Variants in CHRNE observed in about 807,000 individuals in gnomAD.
CHRNE encodes cholinergic receptor nicotinic epsilon subunit, also known as acetylcholine receptor subunit epsilon.
CHRNE carries 58 observed loss-of-function variants against 56.5 expected under a neutral mutation model. That is an observed-to-expected ratio of 1.03 (90% CI 0.83 to 1.28). The LOEUF is 1.28. Among genes scored for constraint, CHRNE ranks in the 50% most tolerant of loss-of-function variants. CHRNE has a pLI of 0.00. For missense variants in CHRNE, 793 were observed against 688.9 expected (o/e 1.15, Z -1.69); for synonymous variants, 385 against 297.9 (o/e 1.29, Z -3.01).
chr17:4,902,171 C>T lies in CHRNE; in HGVS notation c.344+46G>A. 6.2e-7 allele frequency: 1 copy of T among 1,613,664 alleles called. No individual in the cohort carries two copies. The highest frequency in any genetic ancestry group is 8.5e-7 in the Non-Finnish European group (1 of 1,179,574). On this transcript the variant is annotated intron_variant, in intron 4 of 11. Coordinates refer to ENST00000649488, the MANE Select transcript of CHRNE (RefSeq NM_000080.4). This position sits in a 1 kb window ranked among gnomAD's most constrained non-coding sequence, Gnocchi z 4.0. ...CTTCCCCAACCAAGTCCAGCCCGCA[C>T]CCCAGGCCGGCTTCCCTCCAGCCTG...
chr17:4,900,011 T>G (rs1969920319), intron 8 of CHRNE: 2 of 1,551,312 alleles, frequency 1.3e-6, no homozygotes, highest in Non-Finnish European at 1.7e-6. Flanking sequence ...GGAGCAGAGG[T>G]TCAGAGAGCT....
chr17:4,902,270 G>C lies in CHRNE; in HGVS notation c.291C>G (p.Thr97=), dbSNP rs768916373. Residue 97 remains threonine (T), a synonymous_variant, in exon 4 of 12, where the codon ACC becomes ACG. Coordinates refer to ENST00000649488, the MANE Select transcript of CHRNE (RefSeq NM_000080.4). This position sits in a 1 kb window ranked among gnomAD's most constrained non-coding sequence, Gnocchi z 4.0. ...YSKDDFGGIE[T]LRVPSELVWL... is the part of the protein sequence containing the mutation. The stretch of plus-strand genomic sequence containing the variant: ...ACACGAGTTCTGAAGGGACTCGCAG[G>C]GTTTCTATACCCCCAAAGTCGTCCT... 6.2e-7 allele frequency: 1 copy of C among 1,614,168 alleles called. No homozygotes were observed. Among genetic ancestry groups the C allele is most frequent in the Non-Finnish European group, 8.5e-7 (1 of 1,180,030 alleles).
chr17:4,901,884 G>GCCT, intron 5 of CHRNE, 48 bp downstream of exon 5: 2 of 1,526,282 alleles, frequency 1.3e-6, no homozygotes, highest in Non-Finnish European at 9.0e-7. Flanking sequence ...GCCCCATAAG[G>GCCT]CCCCCCCCCA....
chr17:4,908,416 T>G (rs1419275889), intron 1 of CHRNE, among the ~76,000 whole-genome samples: 1 of 152,086 alleles, frequency 6.6e-6, no homozygotes, highest in Non-Finnish European at 1.5e-5. Flanking sequence ...GAAGGGGCTC[T>G]TGCCACTTCC....
rs374325420 is a variant in CHRNE at position 4,902,334 on chromosome 17, G to A, written c.235-8C>T. The A allele has an allele frequency of 2.5e-6, 4 of 1,614,120 alleles. No individual in the cohort carries two copies. The highest frequency in any genetic ancestry group is 3.4e-6 in the Non-Finnish European group (4 of 1,179,966). ...TCGGTAATCCTGCCAATCCTAAGGGGTGGGGGATGGAAGGCCGCGTGCCCT... is the reference window on the plus strand; with the variant it reads ...TCGGTAATCCTGCCAATCCTAAGGGATGGGGGATGGAAGGCCGCGTGCCCT... On this transcript the variant is annotated splice_polypyrimidine_tract_variant and splice_region_variant and intron_variant, in intron 3 of 11. Coordinates refer to ENST00000649488, the MANE Select transcript of CHRNE (RefSeq NM_000080.4). The surrounding 1 kb of genome is among the most constrained non-coding windows in gnomAD (Gnocchi z 4.0).
chr17:4,904,146 C>T (rs1362783060), upstream of CHRNE, among the ~76,000 whole-genome samples: 2 of 152,094 alleles, frequency 1.3e-5, no homozygotes, highest in African/African-American at 2.4e-5. Flanking sequence ...CGTGAGCCAC[C>T]GCGCCCAGCC....
At position 4,901,115 on chromosome 17, in the gene CHRNE, C is replaced by T. The variant is rs1969970252; in HGVS notation, c.677G>A (p.Gly226Glu). 6.2e-7 allele frequency: 1 copy of T among 1,613,168 alleles called. No homozygotes were observed. Among genetic ancestry groups the T allele is most frequent in the Non-Finnish European group, 8.5e-7 (1 of 1,179,926 alleles). Residue 226 changes from glycine (G) to glutamate (E), a missense_variant, in exon 7 of 12, where the codon GGG (glycine) becomes GAG (glutamate). Physicochemically the swap from Gly to Glu is moderately conservative, Grantham distance 98. Coordinates refer to ENST00000649488, the MANE Select transcript of CHRNE (RefSeq NM_000080.4). ...RHHGGATDGP[G>E]ETDVIYSLII... ...GAGCGAGTAGATGACGTCAGTCTCC[C>T]CTGGGCCGTCGGTGGCGCCACCGTG... is the stretch of plus-strand genomic sequence containing the variant.
chr17:4,899,746 TACC>T, intron 8 of CHRNE, 164 bp from the exon 9 acceptor site: 1 of 1,550,622 alleles, frequency 6.4e-7, no homozygotes. Context: ...TCTCCTGTCC[TACC>T]ACTTGTGGCG....
At position 4,898,093 on chromosome 17, in the gene CHRNE, A is replaced by G. The variant is rs754125849; in HGVS notation, c.*643T>C. On this transcript the variant is annotated 3_prime_UTR_variant, in exon 12 of 12. Coordinates refer to ENST00000649488, the MANE Select transcript of CHRNE (RefSeq NM_000080.4). ...CCGCATGTCCTTGCTTTCTGTCAGT[A>G]CTGTAGACTAGGCAGAGAGAGCCTC... 4 of 155,984 alleles carry G rather than the reference A, an allele frequency of 2.6e-5. No homozygotes were observed. Among genetic ancestry groups the G allele is most frequent in the Non-Finnish European group, 4.2e-5 (3 of 71,192 alleles). The allele number at this position is 155,984 out of a possible 1,614,324, so 9.7% of individuals were successfully genotyped here.
rs1212649328 is a variant in CHRNE, at chr17:4,898,771, G to T, written c.1447C>A (p.Pro483Thr). The T allele has an allele frequency of 6.2e-7, 1 of 1,610,600 alleles. No homozygotes were observed. Among genetic ancestry groups the T allele is most frequent in the African/African-American group, 1.3e-5 (1 of 75,022 alleles). ...ATACACGGCGCGTAGGGGAGATCAGGCACTCGGTTGAAGTAGGCCCCGAGG... is the reference window on the plus strand; with the variant it reads ...ATACACGGCGCGTAGGGGAGATCAGTCACTCGGTTGAAGTAGGCCCCGAGG... Reference protein sequence around the residue: ...IFLGAYFNRVPDLPYAPCIQP With the variant: ...IFLGAYFNRVTDLPYAPCIQP The change falls in exon 12 of 12, where the codon CCT becomes ACT. Residue 483 changes from proline (P) to threonine (T), a missense_variant. Coordinates refer to ENST00000649488, the MANE Select transcript of CHRNE (RefSeq NM_000080.4).
chr17:4,898,914 A>G (rs1203265168), intron 11 of CHRNE, 23 bp from the exon 12 acceptor site: 3 of 1,570,638 alleles, frequency 1.9e-6, no homozygotes, highest in Admixed American at 1.9e-5. Flanking sequence ...CGGCACAGTC[A>G]GTAAAGAGGC....
upstream of CHRNE, among the ~76,000 whole-genome samples, chr17:4,903,718 T>G (rs1234667902): frequency 6.6e-6 from 1 of 152,140 alleles, no homozygotes; most frequent in African/African-American, 2.4e-5. Flanking sequence ...GTGGGAGACT[T>G]GTTTCTCCTT....
upstream of CHRNE, among the ~76,000 whole-genome samples, chr17:4,907,370 T>C (rs1283766148): frequency 6.6e-6 from 1 of 151,660 alleles, no homozygotes; most frequent in Non-Finnish European, 1.5e-5. Context: ...AAGACCATCC[T>C]GGCTAGCATG....
In CHRNE at chr17:4,899,776, C is replaced by G. The variant is rs558951496; in HGVS notation, c.918-194G>C. The G allele has an allele frequency of 9.0e-6, 14 of 1,551,348 alleles. No individual in the cohort carries two copies. In the African/African-American group the frequency reaches 1.4e-4, roughly 15 times the overall value. On this transcript the variant is annotated intron_variant, in intron 8 of 11. Transcript: ENST00000649488. ...CTTGTGGCGGCCATGAAGGGGACCC[C>G]CAGCTCCCTGGACACCCTGATGTGG...
At chr17:4,903,204 C>T, upstream of CHRNE, 2 of 841,452 alleles carry the variant, frequency 2.4e-6, no homozygotes, top group Non-Finnish European at 3.9e-6. Context: ...ACCCCTGCTG[C>T]AGCTGGGGAC....
chr17:4,903,139 G>C, upstream of CHRNE: 1 of 1,467,906 alleles, frequency 6.8e-7, no homozygotes, highest in East Asian at 2.3e-5. Context: ...CTGTGTGAGG[G>C]GGAGGAGGGT....
In CHRNE at chr17:4,902,249, G is replaced by A. The variant is rs1341141356; in HGVS notation, c.312C>T (p.Leu104=). ...CCAGCACAATCTCTGGCAGCCACAC[G>A]AGTTCTGAAGGGACTCGCAGGGTTT... ...GIETLRVPSE[L]VWLPEIVLEN... Residue 104 remains leucine, a synonymous_variant, in exon 4 of 12, where the codon CTC becomes CTT. Coordinates refer to ENST00000649488, the MANE Select transcript of CHRNE (RefSeq NM_000080.4). This position sits in a 1 kb window ranked among gnomAD's most constrained non-coding sequence, Gnocchi z 4.0. The A allele has an allele frequency of 1.2e-6, 2 of 1,614,032 alleles. No individual in the cohort carries two copies. The highest frequency in any genetic ancestry group is 2.7e-5 in the African/African-American group (2 of 74,920).
At chr17:4,901,449 G>A in intron 6 of CHRNE, 76 bp downstream of exon 6, 1 of 1,395,916 alleles carries the variant, frequency 7.2e-7, no homozygotes, top group South Asian at 1.2e-5. Context: ...CGTTGGTCCG[G>A]GGCAAGCCCA....
upstream of CHRNE, among the ~76,000 whole-genome samples, chr17:4,907,962 G>T (rs1320034488): frequency 6.6e-6 from 1 of 152,092 alleles, no homozygotes; most frequent in Non-Finnish European, 1.5e-5. Context: ...GGATCACGAG[G>T]TCAGTAGTTT....
Sources: allele counts gnomAD v4.1 joint callset (sites outside exome capture counted in the v4.1 genomes callset), GRCh38; gene constraint gnomAD v4.1.1; non-coding constraint Gnocchi (gnomAD v3.1); transcripts MANE v1.5; gene names NCBI Gene and HGNC (gene_info 2026-07-23, HGNC 2026-07-21).